FXYD3: variants seen among roughly 807,000 people sequenced by gnomAD.
The protein encoded by FXYD3 is FXYD domain containing ion transport regulator 3.
In FXYD3, 13 loss-of-function variants were observed where a neutral mutation model predicts 19.2. The observed-to-expected ratio is 0.68, with a 90% CI of 0.44 to 1.08. The LOEUF (loss-of-function observed/expected upper bound fraction) is 1.08. Ranked by LOEUF, FXYD3 falls within the 50% of genes least tolerant of loss-of-function variation. The pLI is 0.00. For missense variants in FXYD3, 101 were observed against 109.4 expected, an observed-to-expected ratio of 0.92 and a Z score of 0.34; for synonymous variants, 48 against 38.9, an observed-to-expected ratio of 1.23 and a Z score of -0.87.
intron 3 of FXYD3, 30 bp from the exon 4 acceptor site, chr19:35,121,048 T>A: frequency 6.2e-7 from 1 of 1,611,628 alleles, no homozygotes; most frequent in South Asian, 1.1e-5. Flanking sequence ...GGCATCACCA[T>A]CTCCCCTCCT....
At chr19:35,117,554 C>T (rs1207482399) in intron 2 of FXYD3, among the ~76,000 whole-genome samples, 1 of 151,864 alleles carries the variant, frequency 6.6e-6, no homozygotes, top group Non-Finnish European at 1.5e-5. Context: ...ACTCAATAAG[C>T]ATCTGCTGTT....
At chr19:35,118,692 C>T (rs566874856) in intron 2 of FXYD3, 2 of 490,064 alleles carry the variant, frequency 4.1e-6, no homozygotes, top group Non-Finnish European at 5.5e-6. Flanking sequence ...GCAGGAGGTT[C>T]GGGGGAACAG....
At chr19:35,117,757 C>CAAAAAA (rs67977522) in intron 2 of FXYD3, among the ~76,000 whole-genome samples, 1 of 65,716 alleles carries the variant, frequency 1.5e-5, no homozygotes, top group African/African-American at 6.7e-5. Flanking sequence ...TTTCTTCCCG[C>CAAAAAA]AAAAAAAGGA....
chr19:35,120,989 CAAGGCCCCTG>C, intron 3 of FXYD3, 79 bp from the exon 4 acceptor site: 1 of 1,442,058 alleles, frequency 6.9e-7, no homozygotes, highest in South Asian at 1.2e-5. Context: ...GACCCTTTCC[CAAGGCCCCTG>C]AAACTCCCCA....
chr19:35,123,366 G>GT, intron 8 of FXYD3, 58 bp downstream of exon 8: 1 of 1,605,476 alleles, frequency 6.2e-7, no homozygotes, highest in Middle Eastern at 1.7e-4. Flanking sequence ...GTGTGTGTGT[G>GT]TATGTGTGTG....
chr19:35,122,928 C>G lies in FXYD3; in HGVS notation c.183C>G (p.Cys61Trp), dbSNP rs756616865. Residue 61 changes from cysteine to tryptophan, a missense_variant, in exon 7 of 9, where the codon TGC (cysteine) becomes TGG (tryptophan). By Grantham distance (215) the Cys-to-Trp change is radical (BLOSUM62 -2). Transcript: ENST00000604404. Reference sequence around the variant, plus strand: ...AGCTCTCCCCAACAGGTGCAAAATGCAAATGCAAGTTTGGCCAGAAGTCCG... The same window carrying G: ...AGCTCTCCCCAACAGGTGCAAAATGGAAATGCAAGTTTGGCCAGAAGTCCG... ...MGIIIVMSAK[C>W]KCKFGQKSGH... is the part of the protein sequence containing the mutation. 1.2e-5 allele frequency: 20 copies of G among 1,606,968 alleles called. No homozygotes were observed. Among genetic ancestry groups the G allele is most frequent in the Non-Finnish European group, 1.4e-5 (16 of 1,175,948 alleles).
Position 35,123,265 on chromosome 19 carries a change from C to A in FXYD3, c.210-6C>A. 2 of 1,591,490 alleles carry A rather than the reference C, an allele frequency of 1.3e-6. 1 individual carries two copies. The highest frequency in any genetic ancestry group is 1.7e-6 in the Non-Finnish European group (2 of 1,168,732). ...GACACCAATCTCACCACTTTTGTCT[C>A]CTTAGTCACCATCCAGGGGAGACTC... On this transcript the variant is annotated splice_polypyrimidine_tract_variant and splice_region_variant and intron_variant, in intron 7 of 8. Transcript: ENST00000604404.
At chr19:35,119,491 G>A in intron 3 of FXYD3, 75 bp downstream of exon 3, 1 of 1,365,892 alleles carries the variant, frequency 7.3e-7, no homozygotes, top group Non-Finnish European at 1.0e-6. Context: ...TCTCTCTCCT[G>A]TGCTTTTCTA....
At chr19:35,116,960 C>T (rs1032213312) in intron 2 of FXYD3, 2 of 985,078 alleles carry the variant, frequency 2.0e-6, no homozygotes, top group African/African-American at 3.5e-5. Context: ...TTCTACCCAC[C>T]CCTGAACATG....
At chr19:35,121,549 G>C in intron 5 of FXYD3, 1 of 1,410,754 alleles carries the variant, frequency 7.1e-7, no homozygotes, top group Non-Finnish European at 9.2e-7. Flanking sequence ...CTTCCTGGAG[G>C]TGGTGAGCTA....
rs376261312 is a variant in FXYD3 at position 35,123,573 on chromosome 19, G to T, written c.*116G>T. On this transcript the variant is annotated 3_prime_UTR_variant, in exon 9 of 9. Transcript: ENST00000604404. ...CTTCCTCCTCTGCTGGGACTCCTTTGCATGGCAGGGCCTCATCTCACCTCT... is the reference window on the plus strand; with the variant it reads ...CTTCCTCCTCTGCTGGGACTCCTTTTCATGGCAGGGCCTCATCTCACCTCT... 2 of 1,058,928 alleles carry T rather than the reference G, an allele frequency of 1.9e-6. No individual in the cohort carries two copies. Among genetic ancestry groups the T allele is most frequent in the South Asian group, 1.3e-5 (1 of 74,396 alleles). 65.6% of individuals were successfully genotyped at this position (1,058,928 alleles called of 1,614,324 possible).
At chr19:35,122,697 C>T in intron 5 of FXYD3, 68 bp from the exon 6 acceptor site, 1 of 1,296,956 alleles carries the variant, frequency 7.7e-7, no homozygotes, top group Non-Finnish European at 1.1e-6. Flanking sequence ...ATATATTTGT[C>T]AAGAGAATGG....
chr19:35,123,620 A>G lies in FXYD3; in HGVS notation c.*163A>G. 1 of 698,616 alleles carries G rather than the reference A, an allele frequency of 1.4e-6. No homozygotes were observed. The highest frequency in any genetic ancestry group is 2.7e-5 in the East Asian group (1 of 36,776). The allele number at this position is 698,616 out of a possible 1,614,324, so 43.3% of individuals were successfully genotyped here. A position where few individuals can be genotyped will look rare whatever the true frequency, so the allele number is the denominator to read the frequency against. On this transcript the variant is annotated 3_prime_UTR_variant, in exon 9 of 9. Coordinates refer to ENST00000604404, the MANE Select transcript of FXYD3 (RefSeq NM_005971.4). The stretch of plus-strand genomic sequence containing the variant: ...CTCTCGCAAGAGGGTCTCTTTGTTC[A>G]ATTTTTTTTAATCTAAAATGATTGT...
At position 35,121,070 on chromosome 19, in the gene FXYD3, C is replaced by T; in HGVS notation, c.41-8C>T. The T allele has an allele frequency of 3.7e-6, 6 of 1,612,536 alleles. No homozygotes were observed. Among genetic ancestry groups the T allele is most frequent in the Non-Finnish European group, 3.4e-6 (4 of 1,180,010 alleles). ...CCATCTCCCCTCCTTCCCCTCTTCT[C>T]CCACTAGGCTTTCCTGTCCTGGACG... On this transcript the variant is annotated splice_region_variant and splice_polypyrimidine_tract_variant and intron_variant, in intron 3 of 8. Coordinates refer to ENST00000604404, the MANE Select transcript of FXYD3 (RefSeq NM_005971.4).
Position 35,123,531 on chromosome 19 carries a change from A to G in FXYD3, c.*74A>G. ...GGTCCTGTCTCTGCACAGAAACTTGAACTCCAGGATGGAATTCTTCCTCCT... is the reference window on the plus strand; with the variant it reads ...GGTCCTGTCTCTGCACAGAAACTTGGACTCCAGGATGGAATTCTTCCTCCT... On this transcript the variant is annotated 3_prime_UTR_variant, in exon 9 of 9. Coordinates refer to ENST00000604404, the MANE Select transcript of FXYD3 (RefSeq NM_005971.4). 1 of 1,523,460 alleles carries G rather than the reference A, an allele frequency of 6.6e-7. No homozygotes were observed. The highest frequency in any genetic ancestry group is 1.1e-5 in the South Asian group (1 of 88,542). 94.4% of individuals were successfully genotyped at this position (1,523,460 alleles called of 1,614,324 possible). A position where few individuals can be genotyped will look rare whatever the true frequency, so the allele number is the denominator to read the frequency against.
chr19:35,116,657 G>T, intron 2 of FXYD3: 1 of 985,328 alleles, frequency 1.0e-6, no homozygotes, highest in Non-Finnish European at 1.2e-6. Flanking sequence ...TCTGGGTTGG[G>T]GATAGCTGGG....
chr19:35,121,341 C>T, intron 5 of FXYD3, 96 bp downstream of exon 5: 2 of 1,613,936 alleles, frequency 1.2e-6, no homozygotes, highest in Non-Finnish European at 1.7e-6. Context: ...GTGAGCATCA[C>T]AGGACAAAGA....
At chr19:35,118,673 G>A in intron 2 of FXYD3, 1 of 688,188 alleles carries the variant, frequency 1.5e-6, no homozygotes, top group Non-Finnish European at 1.8e-6. Context: ...CATGGGTGTG[G>A]GATGAGGGGC....
Position 35,116,566 on chromosome 19 carries a change from T to C in FXYD3, c.-15+207T>C, listed in dbSNP as rs1209366636. The C allele has an allele frequency of 3.0e-6, 3 of 985,232 alleles. No homozygotes were observed. The African/African-American group carries it at 5.2e-5, about 17-fold the overall frequency. 61.0% of individuals were successfully genotyped at this position (985,232 alleles called of 1,614,324 possible). ...CCACCATTCTCCTCTCAGGGACTTG[T>C]TGAACCAGCTGAGGTGAGGGCAGGA... On this transcript the variant is annotated intron_variant, in intron 2 of 8. Coordinates refer to ENST00000604404, the MANE Select transcript of FXYD3 (RefSeq NM_005971.4).
Sources: gnomAD v4.1 joint callset for allele counts (sites outside exome capture counted in the v4.1 genomes callset) on GRCh38, gnomAD v4.1.1 for gene constraint, MANE v1.5 for transcripts, NCBI Gene and HGNC (gene_info 2026-07-23, HGNC 2026-07-21) for gene names.